The following CERS3 variants were observed in gnomAD, a reference collection of about 807,000 sequenced individuals.
CERS3 encodes LAG1 homolog, ceramide synthase 3.
CERS3 carries 33 observed loss-of-function variants against 50.3 expected under a neutral mutation model. The ratio of observed to expected loss-of-function variants is 0.66; its 90% CI spans 0.50 to 0.88. The LOEUF (loss-of-function observed/expected upper bound fraction) is 0.88. Ranked by LOEUF, CERS3 falls within the 40% of genes least tolerant of loss-of-function variation. The pLI is 0.00. For missense variants in CERS3, 470 were observed against 460.3 expected (o/e 1.02, Z -0.19); for synonymous variants, 176 against 155.2 (o/e 1.13, Z -0.99).
Position 100,479,567 on chromosome 15 carries a change from C to T in CERS3, c.466-89G>A, listed in dbSNP as rs182275905. The T allele has an allele frequency of 1.9e-5, 18 of 932,750 alleles. No homozygotes were observed. In the East Asian group the frequency reaches 4.1e-4, roughly 21 times the overall value. The allele number at this position is 932,750 out of a possible 1,614,324, so 57.8% of individuals were successfully genotyped here. ...ATTTTGGCAGAAAACCTAAGCTCTT[C>T]CTTATGTCATTTACAGCAGGCAAAG... On this transcript the variant is annotated intron_variant, in intron 6 of 11. Transcript: ENST00000679737.
intron 3 of CERS3, among the ~76,000 whole-genome samples, chr15:100,499,328 G>A (rs1343759626): frequency 6.6e-6 from 1 of 152,038 alleles, no homozygotes; most frequent in Non-Finnish European, 1.5e-5. Context: ...TTAGAAACTA[G>A]TAGTCTGGAC....
intron 11 of CERS3, among the ~76,000 whole-genome samples, chr15:100,410,576 C>T (rs2031405237): frequency 6.6e-6 from 1 of 152,186 alleles, no homozygotes; most frequent in South Asian, 2.1e-4. Context: ...TTCCAAGACT[C>T]ACTCATTCAG....
chr15:100,485,767 G>C (rs2035466117), intron 4 of CERS3, among the ~76,000 whole-genome samples: 1 of 152,168 alleles, frequency 6.6e-6, no homozygotes, highest in Non-Finnish European at 1.5e-5. Context: ...AGGAGGCTGA[G>C]GCAGGAGACT....
chr15:100,535,524 C>T (rs1049210461), intron 1 of CERS3, among the ~76,000 whole-genome samples: 2 of 151,688 alleles, frequency 1.3e-5, no homozygotes, highest in African/African-American at 4.9e-5. Flanking sequence ...CATATGTGCA[C>T]GGGAAGTGGG....
chr15:100,537,994 A>C (rs2037113710), intron 1 of CERS3, among the ~76,000 whole-genome samples: 1 of 152,246 alleles, frequency 6.6e-6, no homozygotes. Flanking sequence ...AAAATGGGTG[A>C]AATTGGCCAA....
chr15:100,458,692 T>C (rs1237740240), intron 10 of CERS3, among the ~76,000 whole-genome samples: 1 of 152,158 alleles, frequency 6.6e-6, no homozygotes, highest in African/African-American at 2.4e-5. Context: ...GTCTCACAAC[T>C]TACAGGTAAC....
rs55640205 is a variant in CERS3 at position 100,504,239 on chromosome 15, C to CTT, written c.-1-2391_-1-2390dup. 3.3e-3 allele frequency among the ~76,000 whole-genome samples: 362 copies of CTT among 109,958 alleles called. 6 individuals carry two copies. The highest frequency in any genetic ancestry group is 9.7e-3 in the African/African-American group (278 of 28,622). The allele number at this position is 109,958 out of a possible 152,430, so 72.1% of individuals were successfully genotyped here. ...AAGGCTGCCTTTTCCTTGGACTATT[C>CTT]TTTTTTTTTTTTTTTTTTTTTGAGA... On this transcript the variant is annotated intron_variant, in intron 2 of 11. Coordinates refer to ENST00000679737, the MANE Select transcript of CERS3 (RefSeq NM_001378789.1).
Position 100,467,852 on chromosome 15 carries a change from TAG to T in CERS3, c.845+1524_845+1525del, listed in dbSNP as rs1491311572. Among the ~76,000 whole-genome samples, 24 of 126,394 alleles carry T rather than the reference TAG, an allele frequency of 1.9e-4. No individual in the cohort carries two copies. In the South Asian group the frequency reaches 3.4e-3, roughly 18 times the overall value. 82.9% of individuals were successfully genotyped at this position (126,394 alleles called of 152,430 possible). Reference sequence around the variant, plus strand: ...ATATATACGTGTATATATATATATATAGATAGATAGATAGATAGATAGATAGA... The same window carrying T: ...ATATATACGTGTATATATATATATATATAGATAGATAGATAGATAGATAGA... On this transcript the variant is annotated intron_variant, in intron 10 of 11. Transcript: ENST00000679737.
intron 11 of CERS3, among the ~76,000 whole-genome samples, chr15:100,448,345 G>A (rs567580015): frequency 6.6e-6 from 1 of 152,262 alleles, no homozygotes; most frequent in African/African-American, 2.4e-5. Flanking sequence ...AAAAAGGAAA[G>A]GGAAGCCAAG....
chr15:100,437,278 A>C (rs2142139640), intron 11 of CERS3, among the ~76,000 whole-genome samples: 1 of 152,258 alleles, frequency 6.6e-6, no homozygotes, highest in South Asian at 2.1e-4. Flanking sequence ...ACTTTATTTC[A>C]ACAATCAGTC....
At chr15:100,450,076 A>G (rs1456569964) in intron 11 of CERS3, among the ~76,000 whole-genome samples, 1 of 119,352 alleles carries the variant, frequency 8.4e-6, no homozygotes, top group Admixed American at 8.3e-5. Flanking sequence ...AAATTCTGGA[A>G]GTAAAGAATT....
At chr15:100,469,286 C>T (rs1378335954) in intron 10 of CERS3, 92 bp downstream of exon 10, 27 of 837,908 alleles carry the variant, frequency 3.2e-5, no homozygotes, top group Non-Finnish European at 4.7e-5. Context: ...TGGAGACCCA[C>T]GTATGGAAAG....
chr15:100,513,298 G>A lies in CERS3; in HGVS notation c.-2+8369C>T, dbSNP rs141567412. On this transcript the variant is annotated intron_variant, in intron 2 of 11. Coordinates refer to ENST00000679737, the MANE Select transcript of CERS3 (RefSeq NM_001378789.1). ...TGCAGAAGAAACTCCACTTGGGGAA[G>A]GTTGTGTCAGAGGCTTTTTCTCCAA... is the stretch of plus-strand genomic sequence containing the variant. Among the ~76,000 whole-genome samples, 205 of 152,272 alleles carry A rather than the reference G, an allele frequency of 1.3e-3. 2 individuals carry two copies. The highest frequency in any genetic ancestry group is 4.5e-3 in the African/African-American group (186 of 41,546).
intron 4 of CERS3, 34 bp downstream of exon 4, chr15:100,490,783 T>A (rs141230423): frequency 5.2e-6 from 7 of 1,340,316 alleles, no homozygotes; most frequent in Middle Eastern, 1.8e-4. Context: ...AGAAAGAAGA[T>A]TTTTAAGTCG....
At chr15:100,472,113 T>C (rs2034987539) in intron 9 of CERS3, among the ~76,000 whole-genome samples, 1 of 152,240 alleles carries the variant, frequency 6.6e-6, no homozygotes, top group Non-Finnish European at 1.5e-5. Flanking sequence ...CAACCTGTAT[T>C]CAATTGTTAG....
chr15:100,471,920 G>A (rs1020579814), intron 9 of CERS3, among the ~76,000 whole-genome samples: 1 of 152,158 alleles, frequency 6.6e-6, no homozygotes, highest in African/African-American at 2.4e-5. Context: ...CAGCCCTTAA[G>A]AATGATTCTC....
At chr15:100,516,921 C>T (rs1485544940) in intron 2 of CERS3, among the ~76,000 whole-genome samples, 1 of 152,236 alleles carries the variant, frequency 6.6e-6, no homozygotes, top group East Asian at 1.9e-4. Flanking sequence ...CAGGACAAGA[C>T]ATGTGAGAAC....
At position 100,472,452 on chromosome 15, in the gene CERS3, T is replaced by TA. The variant is rs556114528; in HGVS notation, c.738+471dup. On this transcript the variant is annotated intron_variant, in intron 9 of 11. Coordinates refer to ENST00000679737, the MANE Select transcript of CERS3 (RefSeq NM_001378789.1). ...TTCCTCCCTTAGAAAATGAGGGCCT[T>TA]AAAAAAAATCATCTTACACTCCTTA... Among the ~76,000 whole-genome samples, 875 of 141,286 alleles carry TA rather than the reference T, an allele frequency of 6.2e-3. 7 individuals are homozygous for TA. The highest frequency in any genetic ancestry group is 0.021 in the African/African-American group (805 of 38,464). The allele number at this position is 141,286 out of a possible 152,430, so 92.7% of individuals were successfully genotyped here.
At chr15:100,463,776 G>A (rs1490309124) in intron 10 of CERS3, among the ~76,000 whole-genome samples, 1 of 152,144 alleles carries the variant, frequency 6.6e-6, no homozygotes, top group African/African-American at 2.4e-5. Flanking sequence ...AGTCTTTCTT[G>A]CCTTGTACCT....
Sources: gnomAD v4.1 joint callset for allele counts (sites outside exome capture counted in the v4.1 genomes callset) on GRCh38, gnomAD v4.1.1 for gene constraint, MANE v1.5 for transcripts, NCBI Gene and HGNC (gene_info 2026-07-23, HGNC 2026-07-21) for gene names.